WDR44: variants seen among roughly 807,000 people sequenced by gnomAD.
WDR44 encodes WD repeat-containing protein 44.
A neutral mutation model predicts 65.7 loss-of-function variants in WDR44; 9 were observed. The ratio of observed to expected loss-of-function variants is 0.14; its 90% CI spans 0.08 to 0.24. WDR44 has a LOEUF of 0.24. Among genes scored for constraint, WDR44 ranks in the 10% least tolerant of loss-of-function variants. WDR44 has a pLI of 1.00. For missense variants in WDR44, 425 were observed against 670.9 expected (o/e 0.63, Z 4.05); for synonymous variants, 220 against 235.2 (o/e 0.94, Z 0.59).
chrX:118,399,689 A>T (rs2056895271), intron 8 of WDR44, among the ~76,000 whole-genome samples: 1 of 111,578 alleles, frequency 9.0e-6, no homozygotes, highest in South Asian at 3.7e-4. Flanking sequence ...TTTTTTTAAA[A>T]CTCTGTTCAG....
At chrX:118,399,640 AG>A (rs1194271962) in intron 8 of WDR44, among the ~76,000 whole-genome samples, 7 of 111,963 alleles carry the variant, frequency 6.3e-5, no homozygotes, top group Non-Finnish European at 1.3e-4. Flanking sequence ...AAAGTTCCTC[AG>A]GTTTATTCAA....
intron 14 of WDR44, 152 bp from the exon 15 acceptor site, chrX:118,441,216 C>A: frequency 2.1e-6 from 1 of 466,014 alleles, no homozygotes; most frequent in Non-Finnish European, 3.5e-6. Context: ...CTTGGCCTCC[C>A]CCAAAGTGCT....
intron 1 of WDR44, among the ~76,000 whole-genome samples, chrX:118,356,106 A>AC (rs1042177040): frequency 8.9e-6 from 1 of 112,159 alleles, no homozygotes; most frequent in Admixed American, 9.5e-5. Flanking sequence ...CATAATGCTA[A>AC]CTAACGGTGG....
At chrX:118,426,840 A>C (rs190292484) in intron 12 of WDR44, among the ~76,000 whole-genome samples, 188 of 112,255 alleles carry the variant, frequency 1.7e-3, no homozygotes, top group African/African-American at 5.2e-3. Context: ...ACAAACCAAA[A>C]AATTATTAGA....
rs1415301207 is a variant in WDR44, at chrX:118,346,123, T to C, written c.-381T>C. 3 of 299,470 alleles carry C rather than the reference T, an allele frequency of 1.0e-5. No individual in the cohort carries two copies. The highest frequency in any genetic ancestry group is 1.7e-5 in the Non-Finnish European group (3 of 171,922). 24.7% of individuals were successfully genotyped at this position (299,470 alleles called of 1,213,427 possible). ...TGCGCGTCGGTATTTTGCGGGCAAC[T>C]AGCTCTTCCAGCTGCTGTAAATTGC... is the stretch of plus-strand genomic sequence containing the variant. On this transcript the variant is annotated 5_prime_UTR_variant, in exon 1 of 20. Coordinates refer to ENST00000254029, the MANE Select transcript of WDR44 (RefSeq NM_019045.5).
intron 1 of WDR44, among the ~76,000 whole-genome samples, chrX:118,368,502 A>G (rs1289931066): frequency 1.5e-5 from 1 of 67,269 alleles, no homozygotes; most frequent in Non-Finnish European, 2.4e-5. Flanking sequence ...ACCTTTCCGC[A>G]TTCCTCCAGC....
chrX:118,356,076 G>A (rs1199988794), intron 1 of WDR44, among the ~76,000 whole-genome samples: 3 of 112,075 alleles, frequency 2.7e-5, no homozygotes, highest in Non-Finnish European at 5.6e-5. Context: ...TACATGCAAA[G>A]AACGATAACA....
At chrX:118,387,979 C>T (rs1032788830) in intron 3 of WDR44, among the ~76,000 whole-genome samples, 1 of 111,588 alleles carries the variant, frequency 9.0e-6, no homozygotes, top group African/African-American at 3.3e-5. Flanking sequence ...GTGCCCTAGG[C>T]AATGTTCTAG....
At chrX:118,363,867 A>G (rs1272946959) in intron 1 of WDR44, among the ~76,000 whole-genome samples, 1 of 112,197 alleles carries the variant, frequency 8.9e-6, no homozygotes, top group Non-Finnish European at 1.9e-5. Context: ...TAGATTCTAG[A>G]ATGATTACTT....
intron 1 of WDR44, among the ~76,000 whole-genome samples, chrX:118,368,092 G>A (rs1303980155): frequency 9.0e-6 from 1 of 111,694 alleles, no homozygotes; most frequent in Non-Finnish European, 1.9e-5. Context: ...GTCAGGTTTA[G>A]CAAGTTCCAA....
intron 1 of WDR44, among the ~76,000 whole-genome samples, chrX:118,347,836 C>T (rs2056366342): frequency 8.9e-6 from 1 of 112,509 alleles, no homozygotes; most frequent in South Asian, 3.7e-4. Context: ...TTTGGGGTGG[C>T]AGTGGCCAAT....
chrX:118,352,352 A>ATATTTTTTTTTTT (rs1357425730), intron 1 of WDR44, among the ~76,000 whole-genome samples: 1 of 14,224 alleles, frequency 7.0e-5, no homozygotes, highest in Non-Finnish European at 1.0e-4. Flanking sequence ...ATATATATAT[A>ATATTTTTTTTTTT]TTTTTTTTTT....
intron 1 of WDR44, among the ~76,000 whole-genome samples, chrX:118,356,104 T>C (rs1010055408): frequency 2.7e-5 from 3 of 112,261 alleles, no homozygotes; most frequent in African/African-American, 9.7e-5. Flanking sequence ...ACCATAATGC[T>C]AACTAACGGT....
At chrX:118,427,400 A>T (rs2147738770) in intron 12 of WDR44, among the ~76,000 whole-genome samples, 1 of 108,085 alleles carries the variant, frequency 9.3e-6, no homozygotes, top group African/African-American at 3.4e-5. Context: ...CCTCCCGAGT[A>T]GCTGGGACTA....
intron 12 of WDR44, among the ~76,000 whole-genome samples, chrX:118,420,699 TA>T (rs1270498490): frequency 2.7e-5 from 3 of 112,464 alleles, no homozygotes; most frequent in African/African-American, 9.7e-5. Context: ...CTGTACACTA[TA>T]AACACTTTCA....
chrX:118,383,664 A>AC (rs1435645258), intron 2 of WDR44, among the ~76,000 whole-genome samples: 1 of 104,177 alleles, frequency 9.6e-6, no homozygotes, highest in African/African-American at 3.5e-5. Flanking sequence ...TTTCCTGCGG[A>AC]CCCCGTTCTG....
intron 1 of WDR44, among the ~76,000 whole-genome samples, chrX:118,377,038 A>G (rs1236840860): frequency 4.5e-5 from 5 of 110,314 alleles, no homozygotes; most frequent in Admixed American, 9.7e-5. Flanking sequence ...TAGTCTGTTT[A>G]AGAACAGAGT....
intron 8 of WDR44, among the ~76,000 whole-genome samples, chrX:118,399,559 C>T (rs1029936958): frequency 4.5e-5 from 5 of 111,610 alleles, no homozygotes; most frequent in African/African-American, 1.6e-4. Flanking sequence ...TACAATTATT[C>T]TGGGACAGAT....
intron 12 of WDR44, among the ~76,000 whole-genome samples, chrX:118,421,454 C>T (rs1459439320): frequency 8.9e-6 from 1 of 111,913 alleles, no homozygotes; most frequent in African/African-American, 3.2e-5. Flanking sequence ...TTAAAAGAGG[C>T]TTCTATTTCA....
Sources: gnomAD v4.1 joint callset for allele counts (sites outside exome capture counted in the v4.1 genomes callset) on GRCh38, gnomAD v4.1.1 for gene constraint, MANE v1.5 for transcripts, NCBI Gene and HGNC (gene_info 2026-07-23, HGNC 2026-07-21) for gene names.